Variants in GBE1 observed in about 807,000 individuals in gnomAD.
The protein encoded by GBE1 is 1,4-alpha-glucan branching enzyme 1, also known as 1,4-alpha-glucan-branching enzyme.
In GBE1, 70 loss-of-function variants were observed where a neutral mutation model predicts 88.8. The ratio of observed to expected loss-of-function variants is 0.79; its 90% CI spans 0.65 to 0.96. The LOEUF is 0.96. Among genes scored for constraint, GBE1 ranks in the 40% least tolerant of loss-of-function variants. The pLI is 0.00. For synonymous variants in GBE1, 284 were observed against 300.1 expected (o/e 0.95, Z 0.56); for missense variants, 872 against 871.0 (o/e 1.00, Z -0.01).
intron 10 of GBE1, 130 bp downstream of exon 10, chr3:81,585,962 A>G: frequency 1.8e-6 from 1 of 549,610 alleles, no homozygotes; most frequent in Non-Finnish European, 3.1e-6. Flanking sequence ...AAGAATCGAC[A>G]GACTAATGAA....
intron 1 of GBE1, among the ~76,000 whole-genome samples, chr3:81,712,128 C>T (rs1217868268): frequency 1.3e-5 from 2 of 152,100 alleles, no homozygotes; most frequent in African/African-American, 4.8e-5. Context: ...GTTACAATGG[C>T]GATCATTAAA....
intron 14 of GBE1, among the ~76,000 whole-genome samples, chr3:81,520,025 G>GGT (rs1267520522): frequency 6.6e-6 from 1 of 151,450 alleles, no homozygotes; most frequent in Non-Finnish European, 1.5e-5. Flanking sequence ...GAGGCACCAG[G>GGT]GTGTAACAGA....
chr3:81,727,338 G>GA (rs1245226176), intron 1 of GBE1, among the ~76,000 whole-genome samples: 42 of 152,240 alleles, frequency 2.8e-4, no homozygotes, highest in African/African-American at 8.9e-4. Flanking sequence ...TGAGAAAGGG[G>GA]AAAAAATCAT....
In GBE1 at chr3:81,578,653, C is replaced by T. The variant is rs1032980346; in HGVS notation, c.1447-557G>A. ...TAAATTTGCTTTCTCATTGTATTTG[C>T]CATTTAATCTAAATTTAGTTTGTTT... On this transcript the variant is annotated intron_variant, in intron 11 of 15. Coordinates refer to ENST00000429644, the MANE Select transcript of GBE1 (RefSeq NM_000158.4). Among the ~76,000 whole-genome samples, 6 of 151,772 alleles carry T rather than the reference C, an allele frequency of 4.0e-5. 1 individual carries two copies. Among genetic ancestry groups the T allele is most frequent in the Non-Finnish European group, 1.5e-5 (1 of 67,846 alleles).
At chr3:81,656,188 C>T (rs758214787) in intron 3 of GBE1, among the ~76,000 whole-genome samples, 29 of 152,140 alleles carry the variant, frequency 1.9e-4, no homozygotes, top group Non-Finnish European at 3.5e-4. Flanking sequence ...ATGATACCTT[C>T]TGTGACAAAA....
intron 7 of GBE1, among the ~76,000 whole-genome samples, chr3:81,623,353 C>T (rs761485101): frequency 9.8e-5 from 15 of 152,320 alleles, no homozygotes; most frequent in African/African-American, 2.6e-4. Context: ...CAGGTCTCTG[C>T]TTAAATATCA....
At chr3:81,530,631 G>A (rs1272566926) in intron 14 of GBE1, among the ~76,000 whole-genome samples, 1 of 151,958 alleles carries the variant, frequency 6.6e-6, no homozygotes, top group Non-Finnish European at 1.5e-5. Context: ...TTATCAGGCA[G>A]AATCTCTTGT....
At chr3:81,712,635 C>T (rs1705885008) in intron 1 of GBE1, among the ~76,000 whole-genome samples, 1 of 148,832 alleles carries the variant, frequency 6.7e-6, no homozygotes, top group Non-Finnish European at 1.5e-5. Flanking sequence ...ACATCACACA[C>T]TGGGGCCTGT....
At chr3:81,660,300 T>C (rs531426215) in intron 3 of GBE1, among the ~76,000 whole-genome samples, 5 of 152,284 alleles carry the variant, frequency 3.3e-5, no homozygotes, top group African/African-American at 9.6e-5. Flanking sequence ...TGGTAAATAA[T>C]AGGATTCTAC....
rs752759725 is a variant in GBE1, at chr3:81,649,814, A to T, written c.537T>A (p.Asp179Glu). ...TTCTCACCTCATATGAGTGTTCTGG[A>T]TCCCAGTGTATCCAATCATAATTCA... ...DNVNYDWIHW[D>E]PEHSYEFKHS... is the part of the protein sequence containing the mutation. Residue 179 changes from aspartate (D) to glutamate (E), a missense_variant, in exon 4 of 16, where the codon GAT (aspartate) becomes GAA (glutamate). By Grantham distance (45) the Asp-to-Glu change is conservative. Coordinates refer to ENST00000429644, the MANE Select transcript of GBE1 (RefSeq NM_000158.4). The T allele has an allele frequency of 6.2e-7, 1 of 1,610,056 alleles. No homozygotes were observed.
intron 15 of GBE1, among the ~76,000 whole-genome samples, chr3:81,490,673 G>A (rs1702424593): frequency 1.3e-5 from 2 of 151,944 alleles, no homozygotes; most frequent in Non-Finnish European, 2.9e-5. Flanking sequence ...ACTAGAGGGC[G>A]CCATACGACT....
intron 2 of GBE1, among the ~76,000 whole-genome samples, chr3:81,703,297 A>G (rs1195061239): frequency 1.3e-5 from 2 of 152,056 alleles, no homozygotes; most frequent in South Asian, 2.1e-4. Context: ...CTCAAAATAC[A>G]TTTAATAATT....
intron 3 of GBE1, among the ~76,000 whole-genome samples, chr3:81,652,825 TA>T (rs552623028): frequency 6.6e-6 from 1 of 152,316 alleles, no homozygotes; most frequent in South Asian, 2.1e-4. Flanking sequence ...GAGTAAAGAC[TA>T]TAGCCTTTAC....
chr3:81,644,189 T>C (rs961693602), intron 6 of GBE1, among the ~76,000 whole-genome samples: 6 of 152,120 alleles, frequency 3.9e-5, no homozygotes, highest in Non-Finnish European at 5.9e-5. Flanking sequence ...CCACTGATCA[T>C]ATGGAATTTA....
At chr3:81,612,212 C>T (rs957125461) in intron 7 of GBE1, 18 of 364,810 alleles carry the variant, frequency 4.9e-5, no homozygotes, top group East Asian at 2.4e-4. Flanking sequence ...GTTAAATCCA[C>T]GCTCCTTTAA....
intron 7 of GBE1, among the ~76,000 whole-genome samples, chr3:81,633,821 C>T (rs1009972520): frequency 6.6e-5 from 10 of 152,098 alleles, no homozygotes; most frequent in African/African-American, 1.9e-4. Flanking sequence ...TGATTTGTTG[C>T]GTGTCTCCTA....
intron 2 of GBE1, 42 bp downstream of exon 2, chr3:81,705,402 A>C: frequency 7.5e-7 from 1 of 1,330,194 alleles, no homozygotes; most frequent in East Asian, 2.6e-5. Context: ...TTAAATAGTT[A>C]ATAAGATATT....
At chr3:81,638,693 T>C (rs1397870691) in intron 7 of GBE1, among the ~76,000 whole-genome samples, 1 of 152,122 alleles carries the variant, frequency 6.6e-6, no homozygotes, top group Non-Finnish European at 1.5e-5. Context: ...AAATTAAACA[T>C]GGGCAGCTCC....
At chr3:81,558,625 G>C (rs981242246) in intron 12 of GBE1, among the ~76,000 whole-genome samples, 12 of 152,008 alleles carry the variant, frequency 7.9e-5, no homozygotes, top group African/African-American at 2.4e-4. Flanking sequence ...GACTCATGAG[G>C]AAACAAGTCT....
Sources: allele counts gnomAD v4.1 joint callset (sites outside exome capture counted in the v4.1 genomes callset), GRCh38; gene constraint gnomAD v4.1.1; transcripts MANE v1.5; gene names NCBI Gene and HGNC (gene_info 2026-07-23, HGNC 2026-07-21).